The following SLC34A3 variants were observed in gnomAD, a reference collection of about 807,000 sequenced individuals.
SLC34A3 encodes solute carrier family 34 member 3.
SLC34A3 carries 60 observed loss-of-function variants against 43.9 expected under a neutral mutation model. The observed-to-expected ratio is 1.37, with a 90% CI of 1.11 to 1.70. The LOEUF (loss-of-function observed/expected upper bound fraction) is 1.70. Ranked by LOEUF, SLC34A3 falls within the 40% of genes most tolerant of loss-of-function variation. SLC34A3 has a pLI of 0.00. For missense variants in SLC34A3, 969 were observed against 823.8 expected (o/e 1.18, Z -2.16); for synonymous variants, 451 against 386.2 (o/e 1.17, Z -1.97).
At chr9:137,232,341 C>T (rs1030688335) in intron 3 of SLC34A3, among the ~76,000 whole-genome samples, 180 bp downstream of exon 3, 2 of 152,202 alleles carry the variant, frequency 1.3e-5, no homozygotes, top group Non-Finnish European at 2.9e-5. Flanking sequence ...TGGGGCAGAC[C>T]GGCCACCTCT....
Position 137,233,518 on chromosome 9 carries a change from CAG to C in SLC34A3, c.757-114_757-113del, listed in dbSNP as rs374287218. On this transcript the variant is annotated intron_variant, in intron 7 of 12. Transcript: ENST00000673835. ...GGAGGGTCTGGGCCCTGTCCTGGGA[CAG>C]GGGAGGAGAGGGCAGCAGTGGGCAG... is the stretch of plus-strand genomic sequence containing the variant. 121 of 1,563,048 alleles carry C rather than the reference CAG, an allele frequency of 7.7e-5. 1 individual carries two copies. In the African/African-American group the frequency reaches 1.4e-3, roughly 18 times the overall value.
At position 137,234,170 on chromosome 9, in the gene SLC34A3, C is replaced by T. The variant is rs372523225; in HGVS notation, c.987C>T (p.Ala329=). ...TDLAVGCILL[A]GSLLVLCGCL... ...TGGCCGTGGGCTGCATCCTGCTGGC[C>T]GGCTCCCTGCTGGTGCTCTGCGGCT... Residue 329 remains alanine, a synonymous_variant, in exon 10 of 13, where the codon GCC becomes GCT. Coordinates refer to ENST00000673835, the MANE Select transcript of SLC34A3 (RefSeq NM_001177316.2). This position sits in a 1 kb window ranked among gnomAD's most constrained non-coding sequence, Gnocchi z 6.9. 8.4e-5 allele frequency: 135 copies of T among 1,604,078 alleles called. No homozygotes were observed. Among genetic ancestry groups the T allele is most frequent in the South Asian group, 1.0e-4 (9 of 90,206 alleles).
rs533302116 is a variant in SLC34A3, at chr9:137,233,167, C to T, written c.561-42C>T. 65 of 1,549,998 alleles carry T rather than the reference C, an allele frequency of 4.2e-5. No homozygotes were observed. The Middle Eastern group carries it at 1.1e-3, about 27-fold the overall frequency. On this transcript the variant is annotated intron_variant, in intron 6 of 12. Transcript: ENST00000673835. ...TGGGGCTGCAGTGGCAGCCCCAGCC[C>T]GGGCCCCCCCACCTGACCCTGCCCA...
At chr9:137,229,840 C>T (rs1038474366), upstream of SLC34A3, among the ~76,000 whole-genome samples, 20 of 152,042 alleles carry the variant, frequency 1.3e-4, no homozygotes, top group African/African-American at 4.6e-4. Flanking sequence ...TTTGAGGGGC[C>T]GGGGCTGGGG....
At chr9:137,233,996 C>A in intron 9 of SLC34A3, 55 bp downstream of exon 9, 1 of 1,499,684 alleles carries the variant, frequency 6.7e-7, no homozygotes, top group Non-Finnish European at 9.0e-7. Context: ...CCCTCACCGG[C>A]CCCTACATGG....
chr9:137,234,284 C>A lies in SLC34A3; in HGVS notation c.1093+8C>A. On this transcript the variant is annotated splice_region_variant and intron_variant, in intron 10 of 12. Coordinates refer to ENST00000673835, the MANE Select transcript of SLC34A3 (RefSeq NM_001177316.2). The surrounding 1 kb of genome is among the most constrained non-coding windows in gnomAD (Gnocchi z 6.9). ...GGACAGTCATCAATGCGGGTGAGGGCGTGGGAGGAGGTGCGGTGGCCAGGG... is the reference window on the plus strand; with the variant it reads ...GGACAGTCATCAATGCGGGTGAGGGAGTGGGAGGAGGTGCGGTGGCCAGGG... 6.2e-7 allele frequency: 1 copy of A among 1,609,952 alleles called. No homozygotes were observed. Among genetic ancestry groups the A allele is most frequent in the Non-Finnish European group, 8.5e-7 (1 of 1,179,418 alleles).
chr9:137,233,779 T>TTGGGGCCCCCCCCCCCCCCCCCCCCA, intron 8 of SLC34A3, 57 bp downstream of exon 8: 1 of 1,445,808 alleles, frequency 6.9e-7, no homozygotes, highest in Non-Finnish European at 9.6e-7. Flanking sequence ...TGCTGAGTCA[T>TTGGGGCCCCCCCCCCCCCCCCCCCCA]CCCGCCCCAC....
Position 137,233,361 on chromosome 9 carries a change from T to A in SLC34A3, c.713T>A (p.Ile238Asn), listed in dbSNP as rs1481221055. 2 of 1,606,762 alleles carry A rather than the reference T, an allele frequency of 1.2e-6. No homozygotes were observed. The highest frequency in any genetic ancestry group is 1.7e-6 in the Non-Finnish European group (2 of 1,177,834). The change falls in exon 7 of 13, where the codon ATC becomes AAC. Residue 238 changes from isoleucine to asparagine, a missense_variant. Coordinates refer to ENST00000673835, the MANE Select transcript of SLC34A3 (RefSeq NM_001177316.2). ...SLTPRAQAPD[I>N]LKVLTKPLTH... ...ACACCCAGGGCGCAGGCGCCCGACA[T>A]CCTCAAGGTGCTGACGAAGCCGCTC... is the stretch of plus-strand genomic sequence containing the variant.
chr9:137,233,779 T>TTGGCGCCCC, intron 8 of SLC34A3, 57 bp downstream of exon 8: 3 of 1,445,798 alleles, frequency 2.1e-6, no homozygotes, highest in Non-Finnish European at 2.9e-6. Flanking sequence ...TGCTGAGTCA[T>TTGGCGCCCC]CCCGCCCCAC....
In SLC34A3 at chr9:137,234,835, G is replaced by A. The variant is rs1306335730; in HGVS notation, c.1335+104G>A. On this transcript the variant is annotated intron_variant, in intron 12 of 12. Transcript: ENST00000673835. The surrounding 1 kb of genome is among the most constrained non-coding windows in gnomAD (Gnocchi z 6.9). ...GGGGCCCTAGGCTGGCTGTGCCCCC[G>A]CCTTCCTGGACCCCTTCCCTGGCCG... is the stretch of plus-strand genomic sequence containing the variant. The A allele has an allele frequency of 1.6e-5, 24 of 1,548,206 alleles. No homozygotes were observed. The highest frequency in any genetic ancestry group is 1.1e-4 in the African/African-American group (8 of 73,792).
intron 2 of SLC34A3, 23 bp downstream of exon 2, chr9:137,231,810 A>G: frequency 6.2e-7 from 1 of 1,602,068 alleles, no homozygotes; most frequent in Non-Finnish European, 8.5e-7. Context: ...CCTGTGCCCC[A>G]GGCCTTCACC....
In SLC34A3 at chr9:137,234,294, G is replaced by A. The variant is rs768386431; in HGVS notation, c.1093+18G>A. 1.9e-6 allele frequency: 3 copies of A among 1,609,140 alleles called. No homozygotes were observed. Among genetic ancestry groups the A allele is most frequent in the Non-Finnish European group, 2.5e-6 (3 of 1,179,418 alleles). ...CAATGCGGGTGAGGGCGTGGGAGGA[G>A]GTGCGGTGGCCAGGGCTGACCCAGC... is the stretch of plus-strand genomic sequence containing the variant. On this transcript the variant is annotated intron_variant, in intron 10 of 12. Transcript: ENST00000673835. The surrounding 1 kb of genome is among the most constrained non-coding windows in gnomAD (Gnocchi z 6.9).
rs760365220 is a variant in SLC34A3, at chr9:137,233,993, C to T, written c.925+52C>T. 64 of 1,503,042 alleles carry T rather than the reference C, an allele frequency of 4.3e-5. No individual in the cohort carries two copies. Among genetic ancestry groups the T allele is most frequent in the South Asian group, 8.7e-5 (7 of 80,178 alleles). The allele number at this position is 1,503,042 out of a possible 1,614,324, so 93.1% of individuals were successfully genotyped here. A position where few individuals can be genotyped will look rare whatever the true frequency, so the allele number is the denominator to read the frequency against. On this transcript the variant is annotated intron_variant, in intron 9 of 12. Coordinates refer to ENST00000673835, the MANE Select transcript of SLC34A3 (RefSeq NM_001177316.2). ...CTACACCCCCCACACTCCCCCTCAC[C>T]GGCCCCTACATGGAGAGGAACAGCA... is the stretch of plus-strand genomic sequence containing the variant.
upstream of SLC34A3, among the ~76,000 whole-genome samples, chr9:137,230,530 T>A (rs1836154331): frequency 6.6e-6 from 1 of 152,174 alleles, no homozygotes; most frequent in African/African-American, 2.4e-5. Context: ...AGTGGGGGAC[T>A]GGCGTCTCTC....
At position 137,234,499 on chromosome 9, in the gene SLC34A3, A is replaced by G. The variant is rs1424101458; in HGVS notation, c.1177A>G (p.Ser393Gly). 1 of 1,604,552 alleles carries G rather than the reference A, an allele frequency of 6.2e-7. No individual in the cohort carries two copies. The highest frequency in any genetic ancestry group is 8.5e-7 in the Non-Finnish European group (1 of 1,178,912). The change falls in exon 11 of 13, where the codon AGC becomes GGC. Residue 393 changes from serine to glycine, a missense_variant. Transcript: ENST00000673835. The surrounding 1 kb of genome is among the most constrained non-coding windows in gnomAD (Gnocchi z 6.9). The part of the protein sequence containing the change: ...AGLTFALQSS[S>G]VFTAAVVPLM... ...CCTGACCTTCGCACTGCAGAGCAGC[A>G]GCGTCTTCACGGCGGCCGTCGTGCC... is the stretch of plus-strand genomic sequence containing the variant.
At chr9:137,231,911 C>A in intron 2 of SLC34A3, 124 bp downstream of exon 2, 1 of 1,116,206 alleles carries the variant, frequency 9.0e-7, no homozygotes, top group Non-Finnish European at 1.4e-6. Flanking sequence ...ATGACGCCTC[C>A]ACTCAGGTCC....
chr9:137,234,050 C>T lies in SLC34A3; in HGVS notation c.926-59C>T. 7.6e-7 allele frequency: 1 copy of T among 1,312,058 alleles called. No individual in the cohort carries two copies. The highest frequency in any genetic ancestry group is 1.1e-6 in the Non-Finnish European group (1 of 946,436). 81.3% of individuals were successfully genotyped at this position (1,312,058 alleles called of 1,614,324 possible). Reference sequence around the variant, plus strand: ...CGGCGGACAGGCTGCCCTGTGAGGCCCGGCCCACCCCGGCCCACCCCCCAG... The same window carrying T: ...CGGCGGACAGGCTGCCCTGTGAGGCTCGGCCCACCCCGGCCCACCCCCCAG... On this transcript the variant is annotated intron_variant, in intron 9 of 12. Coordinates refer to ENST00000673835, the MANE Select transcript of SLC34A3 (RefSeq NM_001177316.2). The surrounding 1 kb of genome is among the most constrained non-coding windows in gnomAD (Gnocchi z 6.9).
At chr9:137,231,189 G>A (rs374410737) in intron 1 of SLC34A3, 48 of 168,540 alleles carry the variant, frequency 2.8e-4, no homozygotes, top group Non-Finnish European at 4.0e-4. Context: ...CAGCAGCTTC[G>A]GGGCCAGGAG....
intron 8 of SLC34A3, 57 bp downstream of exon 8, chr9:137,233,779 T>TTTGGGCCCCC: frequency 6.9e-7 from 1 of 1,445,822 alleles, no homozygotes; most frequent in Non-Finnish European, 9.6e-7. Flanking sequence ...TGCTGAGTCA[T>TTTGGGCCCCC]CCCGCCCCAC....
Sources: gnomAD v4.1 joint callset for allele counts (sites outside exome capture counted in the v4.1 genomes callset) on GRCh38, gnomAD v4.1.1 for gene constraint, Gnocchi (gnomAD v3.1) non-coding constraint, MANE v1.5 for transcripts, NCBI Gene and HGNC (gene_info 2026-07-23, HGNC 2026-07-21) for gene names.